The following ANKS1A variants were observed in gnomAD, a reference collection of about 807,000 sequenced individuals.
The protein encoded by ANKS1A is ankyrin repeat and sterile alpha motif domain containing 1A.
A neutral mutation model predicts 120.3 loss-of-function variants in ANKS1A; 55 were observed. The observed-to-expected ratio is 0.46, with a 90% CI of 0.37 to 0.57. The LOEUF (loss-of-function observed/expected upper bound fraction) is 0.57. Among genes scored for constraint, ANKS1A ranks in the 20% least tolerant of loss-of-function variants. The pLI, the probability that ANKS1A is intolerant of heterozygous loss-of-function variation, is 0.00. For synonymous variants in ANKS1A, 590 were observed against 604.7 expected (o/e 0.98, Z 0.36); for missense variants, 1,123 against 1,480.3 (o/e 0.76, Z 3.96).
rs369190082 is a variant in ANKS1A at position 35,061,013 on chromosome 6, C to T, written c.2184+760C>T. On this transcript the variant is annotated intron_variant, in intron 13 of 23. Transcript: ENST00000360359. The stretch of plus-strand genomic sequence containing the variant: ...TGCTTCCAGGAGCAGGCATTTGAGC[C>T]AAAGTTAGTGATCATGGTCGCTGAC... Among the ~76,000 whole-genome samples, 38 of 152,308 alleles carry T rather than the reference C, an allele frequency of 2.5e-4. No individual in the cohort carries two copies. In the East Asian group the frequency reaches 5.0e-3, roughly 20 times the overall value.
At chr6:35,066,568 C>T (rs1776787574) in intron 13 of ANKS1A, among the ~76,000 whole-genome samples, 1 of 152,010 alleles carries the variant, frequency 6.6e-6, no homozygotes, top group Admixed American at 6.6e-5. Context: ...TGGGGGGGTG[C>T]TTTCATGAAA....
At chr6:35,083,913 G>A (rs955288653) in intron 20 of ANKS1A, among the ~76,000 whole-genome samples, 5 of 152,158 alleles carry the variant, frequency 3.3e-5, no homozygotes, top group African/African-American at 1.2e-4. Context: ...ACATTTTACT[G>A]CCTTAGTTGT....
At chr6:34,976,589 G>C (rs533993108) in intron 3 of ANKS1A, among the ~76,000 whole-genome samples, 1 of 151,842 alleles carries the variant, frequency 6.6e-6, no homozygotes, top group African/African-American at 2.4e-5. Flanking sequence ...TAGACCAGTT[G>C]CCTCCAAATA....
chr6:34,985,040 G>A, intron 7 of ANKS1A, 42 bp from the exon 8 acceptor site: 3 of 1,574,498 alleles, frequency 1.9e-6, no homozygotes, highest in Non-Finnish European at 2.6e-6. Flanking sequence ...CTGAGATTCT[G>A]CTCCCCTTCA....
Position 35,018,125 on chromosome 6 carries a change from C to T in ANKS1A, c.2010+66C>T, listed in dbSNP as rs529544655. ...GCTGGCCGCAGCCCACCACAGCTCC[C>T]GTGAGTGCCAACTCTCAGGCCCAGG... On this transcript the variant is annotated intron_variant, in intron 11 of 23. Coordinates refer to ENST00000360359, the MANE Select transcript of ANKS1A (RefSeq NM_015245.3). 49 of 1,493,118 alleles carry T rather than the reference C, an allele frequency of 3.3e-5. No homozygotes were observed. The African/African-American group carries it at 3.6e-4, about 11-fold the overall frequency. 92.5% of individuals were successfully genotyped at this position (1,493,118 alleles called of 1,614,324 possible).
intron 10 of ANKS1A, among the ~76,000 whole-genome samples, chr6:34,998,204 G>A (rs951381623): frequency 5.3e-5 from 8 of 152,182 alleles, no homozygotes; most frequent in African/African-American, 1.7e-4. Flanking sequence ...CATGTGGTAG[G>A]TATTACTGAA....
intron 11 of ANKS1A, among the ~76,000 whole-genome samples, chr6:35,033,132 C>T (rs1046124205): frequency 2.0e-5 from 3 of 152,202 alleles, no homozygotes; most frequent in Non-Finnish European, 4.4e-5. Context: ...GTATCATATA[C>T]GTAAGTCAAG....
intron 1 of ANKS1A, among the ~76,000 whole-genome samples, chr6:34,896,195 G>A (rs945366878): frequency 6.6e-6 from 1 of 151,526 alleles, no homozygotes; most frequent in Non-Finnish European, 1.5e-5. Flanking sequence ...TCAGCCTCCT[G>A]AGTAGCTGTG....
chr6:35,091,386 A>G lies in ANKS1A; in HGVS notation c.*2777A>G. 1.0e-6 allele frequency: 1 copy of G among 985,496 alleles called. No homozygotes were observed. The highest frequency in any genetic ancestry group is 1.2e-6 in the Non-Finnish European group (1 of 829,942). The allele number at this position is 985,496 out of a possible 1,614,324, so 61.0% of individuals were successfully genotyped here. On this transcript the variant is annotated 3_prime_UTR_variant, in exon 24 of 24. Coordinates refer to ENST00000360359, the MANE Select transcript of ANKS1A (RefSeq NM_015245.3). The stretch of plus-strand genomic sequence containing the variant: ...AACTTAGAACAGACTGAATTAATAA[A>G]TGAGAAGCGACATGAACGCAGCCTT...
At chr6:34,946,936 AGCAGTCAG>A in intron 1 of ANKS1A, among the ~76,000 whole-genome samples, 1 of 152,352 alleles carries the variant, frequency 6.6e-6, no homozygotes, top group African/African-American at 2.4e-5. Flanking sequence ...GTATAGATTT[AGCAGTCAG>A]GCAGAAAGTG....
rs371840335 is a variant in ANKS1A, at chr6:35,085,940, C to T, written c.3303+4C>T. 2.6e-5 allele frequency: 41 copies of T among 1,595,266 alleles called. No homozygotes were observed. Among genetic ancestry groups the T allele is most frequent in the Middle Eastern group, 1.9e-4 (1 of 5,152 alleles). On this transcript the variant is annotated splice_donor_region_variant and intron_variant, in intron 22 of 23. Coordinates refer to ENST00000360359, the MANE Select transcript of ANKS1A (RefSeq NM_015245.3). The surrounding 1 kb of genome is among the most constrained non-coding windows in gnomAD (Gnocchi z 4.7). ...GGTCGGCGTGAGGAAATCCGCAGTA[C>T]GTGGGCCCCACTGGCCAAGATCCCC... is the stretch of plus-strand genomic sequence containing the variant.
chr6:35,070,736 G>A (rs1276404286), intron 13 of ANKS1A: 4 of 251,948 alleles, frequency 1.6e-5, no homozygotes, highest in East Asian at 1.0e-4. Context: ...TGCCTGCCTC[G>A]GCCTCCCAAA....
At chr6:34,976,147 A>AAAAAAG (rs559867720) in intron 3 of ANKS1A, among the ~76,000 whole-genome samples, 3 of 145,840 alleles carry the variant, frequency 2.1e-5, no homozygotes, top group Admixed American at 7.1e-5. Flanking sequence ...AAAAAAAAAA[A>AAAAAAG]AAAAGAAAAG....
intron 13 of ANKS1A, among the ~76,000 whole-genome samples, chr6:35,072,841 G>T (rs75997394): frequency 0.036 from 5,505 of 152,308 alleles, 148 homozygotes; most frequent in Non-Finnish European, 0.05. Flanking sequence ...GCCCAGGACG[G>T]GTGTCCTGCT....
chr6:35,089,352 G>A lies in ANKS1A; in HGVS notation c.*743G>A. The A allele has an allele frequency of 9.1e-6, 9 of 986,824 alleles. No homozygotes were observed. Among genetic ancestry groups the A allele is most frequent in the Non-Finnish European group, 1.1e-5 (9 of 830,676 alleles). The allele number at this position is 986,824 out of a possible 1,614,324, so 61.1% of individuals were successfully genotyped here. A position where few individuals can be genotyped will look rare whatever the true frequency, so the allele number is the denominator to read the frequency against. ...TTCTAGTGCTGGGAAGTCTTAGCCA[G>A]CACCAGAGCGCCAGGCCTCTCCCTG... On this transcript the variant is annotated 3_prime_UTR_variant, in exon 24 of 24. Transcript: ENST00000360359.
Position 35,091,026 on chromosome 6 carries a change from A to G in ANKS1A, c.*2417A>G. 1 of 985,924 alleles carries G rather than the reference A, an allele frequency of 1.0e-6. No individual in the cohort carries two copies. Among genetic ancestry groups the G allele is most frequent in the South Asian group, 4.7e-5 (1 of 21,294 alleles). The allele number at this position is 985,924 out of a possible 1,614,324, so 61.1% of individuals were successfully genotyped here. A position where few individuals can be genotyped will look rare whatever the true frequency, so the allele number is the denominator to read the frequency against. On this transcript the variant is annotated 3_prime_UTR_variant, in exon 24 of 24. Transcript: ENST00000360359. Reference sequence around the variant, plus strand: ...AGCAGGCAGAGCTGCAGTCAGAGACATTAGAAAACCAGTCTGAATTGGGTC... The same window carrying G: ...AGCAGGCAGAGCTGCAGTCAGAGACGTTAGAAAACCAGTCTGAATTGGGTC...
rs556288334 is a variant in ANKS1A at position 35,060,821 on chromosome 6, G to A, written c.2184+568G>A. Among the ~76,000 whole-genome samples, 1 of 152,308 alleles carries A rather than the reference G, an allele frequency of 6.6e-6. No individual in the cohort carries two copies. Among genetic ancestry groups the A allele is most frequent in the South Asian group, 2.1e-4 (1 of 4,824 alleles). Reference sequence around the variant, plus strand: ...ACACAAAGGGCCAAAAATAAAAAGAGAAACCAGGGTGTTTCCTCTGGATCC... The same window carrying A: ...ACACAAAGGGCCAAAAATAAAAAGAAAAACCAGGGTGTTTCCTCTGGATCC... On this transcript the variant is annotated intron_variant, in intron 13 of 23. Coordinates refer to ENST00000360359, the MANE Select transcript of ANKS1A (RefSeq NM_015245.3). This position sits in a 1 kb window ranked among gnomAD's most constrained non-coding sequence, Gnocchi z 4.5.
chr6:34,900,463 A>G (rs904321594), intron 1 of ANKS1A, among the ~76,000 whole-genome samples: 2 of 151,638 alleles, frequency 1.3e-5, no homozygotes, highest in African/African-American at 4.8e-5. Flanking sequence ...TTTTTTTTTA[A>G]TAACAAAAAT....
intron 9 of ANKS1A, among the ~76,000 whole-genome samples, chr6:34,991,649 CATAT>C (rs765666967): frequency 7.5e-6 from 1 of 132,662 alleles, no homozygotes; most frequent in Non-Finnish European, 1.7e-5. Context: ...TATACACACA[CATAT>C]ATATACACAT....
Sources: allele counts gnomAD v4.1 joint callset (sites outside exome capture counted in the v4.1 genomes callset), GRCh38; gene constraint gnomAD v4.1.1; non-coding constraint Gnocchi (gnomAD v3.1); transcripts MANE v1.5; gene names NCBI Gene and HGNC (gene_info 2026-07-23, HGNC 2026-07-21).